DHRS7B: variants seen among roughly 807,000 people sequenced by gnomAD.
DHRS7B encodes dehydrogenase/reductase 7B, also known as peroxisomal reductase activating PPAR-gamma.
A neutral mutation model predicts 26.4 loss-of-function variants in DHRS7B; 24 were observed. That is an observed-to-expected ratio of 0.91 (90% CI 0.66 to 1.28). The LOEUF is 1.28. DHRS7B is among the 50% of genes most tolerant of loss of function. The pLI is 0.00. For missense variants in DHRS7B, 368 were observed against 419.4 expected (o/e 0.88, Z 1.07); for synonymous variants, 142 against 166.4 (o/e 0.85, Z 1.13).
intron 1 of DHRS7B, chr17:21,168,707 A>G: frequency 3.0e-6 from 3 of 985,358 alleles, no homozygotes; most frequent in Non-Finnish European, 3.6e-6. Context: ...TTCTGATTCG[A>G]TAGCACTTTA....
At chr17:21,175,200 G>A (rs1974348019) in intron 2 of DHRS7B, among the ~76,000 whole-genome samples, 2 of 152,222 alleles carry the variant, frequency 1.3e-5, no homozygotes, top group African/African-American at 2.4e-5. Context: ...TGAGACAGAC[G>A]TCAGGGAGCC....
At chr17:21,146,205 T>A (rs1973639670) in intron 1 of DHRS7B, among the ~76,000 whole-genome samples, 1 of 152,134 alleles carries the variant, frequency 6.6e-6, no homozygotes, top group South Asian at 2.1e-4. Context: ...ACTCAGGAGC[T>A]CAAGACCAGC....
intron 1 of DHRS7B, among the ~76,000 whole-genome samples, chr17:21,137,453 C>G (rs905444593): frequency 6.6e-6 from 1 of 151,204 alleles, no homozygotes; most frequent in African/African-American, 2.4e-5. Context: ...GCCACCACGC[C>G]TGGCTAATTT....
chr17:21,183,493 T>C, intron 3 of DHRS7B, 101 bp from the exon 4 acceptor site: 1 of 1,101,470 alleles, frequency 9.1e-7, no homozygotes, highest in Non-Finnish European at 1.3e-6. Flanking sequence ...CCTTAAAATA[T>C]AAAGTTACAT....
At chr17:21,147,933 T>C (rs547461065) in intron 1 of DHRS7B, among the ~76,000 whole-genome samples, 5 of 152,162 alleles carry the variant, frequency 3.3e-5, no homozygotes, top group African/African-American at 1.2e-4. Flanking sequence ...GAATTCAAAA[T>C]AGGCCAGCAC....
intron 1 of DHRS7B, among the ~76,000 whole-genome samples, chr17:21,158,872 AAT>A (rs1403452518): frequency 6.6e-6 from 1 of 152,162 alleles, no homozygotes; most frequent in Non-Finnish European, 1.5e-5. Context: ...AGAGCCCAGA[AAT>A]AGACTCACAT....
chr17:21,159,210 AACC>A (rs1973944622), intron 1 of DHRS7B, among the ~76,000 whole-genome samples: 1 of 152,062 alleles, frequency 6.6e-6, no homozygotes, highest in Admixed American at 6.6e-5. Flanking sequence ...TGAGAAGACA[AACC>A]ACAGACTAGT....
intron 1 of DHRS7B, among the ~76,000 whole-genome samples, chr17:21,170,747 A>G (rs1211195490): frequency 6.6e-6 from 1 of 152,164 alleles, no homozygotes; most frequent in East Asian, 1.9e-4. Flanking sequence ...CCTGAACATG[A>G]ACTTCAGGAT....
In DHRS7B at chr17:21,172,122, A is replaced by G. The variant is rs771594268; in HGVS notation, c.125A>G (p.Gln42Arg). Reference protein sequence around the residue: ...LGVFGLFRLLQWVRGKAYLRN... With the variant: ...LGVFGLFRLLRWVRGKAYLRN... ...GTCTTCGGCCTCTTCCGGCTGCTGCAGTGGGTGCGCGGGAAGGCCTACCTG... is the reference window on the plus strand; with the variant it reads ...GTCTTCGGCCTCTTCCGGCTGCTGCGGTGGGTGCGCGGGAAGGCCTACCTG... The change falls in exon 2 of 7, where the codon CAG (glutamine) becomes CGG (arginine). Residue 42 changes from glutamine (Q) to arginine (R), a missense_variant. Gln to Arg is a conservative substitution (Grantham distance 43). Transcript: ENST00000395511. 6.2e-7 allele frequency: 1 copy of G among 1,614,046 alleles called. No homozygotes were observed. Among genetic ancestry groups the G allele is most frequent in the Non-Finnish European group, 8.5e-7 (1 of 1,179,984 alleles).
chr17:21,144,439 C>T (rs188456295), intron 1 of DHRS7B, among the ~76,000 whole-genome samples: 435 of 152,314 alleles, frequency 2.9e-3, no homozygotes, highest in African/African-American at 9.8e-3. Context: ...TCATGCTGGA[C>T]TACCTTAGTT....
Position 21,139,843 on chromosome 17 carries a change from T to C in DHRS7B, c.20+12852T>C, listed in dbSNP as rs1344209036. 1.3e-5 allele frequency among the ~76,000 whole-genome samples: 2 copies of C among 151,924 alleles called. 1 individual carries two copies. Among genetic ancestry groups the C allele is most frequent in the East Asian group, 3.8e-4 (2 of 5,196 alleles). On this transcript the variant is annotated intron_variant, in intron 1 of 6. Coordinates refer to ENST00000395511, the MANE Select transcript of DHRS7B (RefSeq NM_015510.5). ...TGAACTTGAAAAAGCATTTGAGTAG[T>C]CTTTTTTAGTATCTGATTTAAGTGC... is the stretch of plus-strand genomic sequence containing the variant.
intron 1 of DHRS7B, among the ~76,000 whole-genome samples, chr17:21,160,572 CA>C (rs1449316608): frequency 2.6e-5 from 4 of 152,090 alleles, no homozygotes; most frequent in Non-Finnish European, 4.4e-5. Context: ...TTGACATCAC[CA>C]AATGCTAGCA....
At chr17:21,177,302 C>T (rs902202262) in intron 2 of DHRS7B, among the ~76,000 whole-genome samples, 8 of 152,230 alleles carry the variant, frequency 5.3e-5, no homozygotes, top group Non-Finnish European at 1.5e-5. Context: ...TTTCGGCCAT[C>T]CGGCTCTCCT....
intron 1 of DHRS7B, among the ~76,000 whole-genome samples, chr17:21,142,541 G>A (rs1398602044): frequency 6.6e-6 from 1 of 152,170 alleles, no homozygotes; most frequent in East Asian, 1.9e-4. Context: ...CTGAAGACAT[G>A]TGCCCAAGGT....
chr17:21,132,891 G>C (rs929306120), intron 1 of DHRS7B, among the ~76,000 whole-genome samples: 3 of 152,060 alleles, frequency 2.0e-5, no homozygotes, highest in Non-Finnish European at 4.4e-5. Context: ...CCAGCTAAAG[G>C]ATTTTTTTTT....
At chr17:21,158,966 A>G (rs1008512669) in intron 1 of DHRS7B, among the ~76,000 whole-genome samples, 3 of 152,246 alleles carry the variant, frequency 2.0e-5, no homozygotes, top group African/African-American at 4.8e-5. Flanking sequence ...GCAAAAAAAA[A>G]AAAAAAATCT....
chr17:21,133,416 G>GC (rs112412538), intron 1 of DHRS7B, among the ~76,000 whole-genome samples: 59,517 of 152,010 alleles, frequency 0.39, 11,980 homozygotes, highest in Non-Finnish European at 0.44. Context: ...TCAAAGTGGG[G>GC]CCCCCCTTCA....
chr17:21,167,733 C>A (rs1974145310), intron 1 of DHRS7B, among the ~76,000 whole-genome samples: 1 of 152,188 alleles, frequency 6.6e-6, no homozygotes, highest in Admixed American at 6.5e-5. Context: ...AAATCGTGAG[C>A]CAGATATTTT....
At chr17:21,153,261 C>G (rs1270870249) in intron 1 of DHRS7B, among the ~76,000 whole-genome samples, 1 of 151,864 alleles carries the variant, frequency 6.6e-6, no homozygotes, top group Non-Finnish European at 1.5e-5. Context: ...TGAAGAATGC[C>G]TCTGATGGGC....
Sources: gnomAD v4.1 joint callset for allele counts (sites outside exome capture counted in the v4.1 genomes callset) on GRCh38, gnomAD v4.1.1 for gene constraint, MANE v1.5 for transcripts, NCBI Gene and HGNC (gene_info 2026-07-23, HGNC 2026-07-21) for gene names.